ABI1: variants seen among roughly 807,000 people sequenced by gnomAD.
The protein encoded by ABI1 is Abelson interactor 1.
ABI1 carries 14 observed loss-of-function variants against 54.6 expected under a neutral mutation model. The observed-to-expected ratio is 0.26, with a 90% confidence interval of 0.17 to 0.40. The LOEUF (loss-of-function observed/expected upper bound fraction) is 0.40. Ranked by LOEUF, ABI1 falls within the 10% of genes least tolerant of loss-of-function variation. The pLI is 1.00. For missense variants in ABI1, 443 were observed against 598.3 expected, an observed-to-expected ratio of 0.74 and a Z score of 2.71; for synonymous variants, 194 against 209.3, an observed-to-expected ratio of 0.93 and a Z score of 0.63.
intron 8 of ABI1, among the ~76,000 whole-genome samples, chr10:26,756,955 T>C (rs1588757310): frequency 6.6e-6 from 1 of 152,146 alleles, no homozygotes; most frequent in Non-Finnish European, 1.5e-5. Flanking sequence ...TAACATTCAA[T>C]TCACTATGAA....
At chr10:26,764,454 C>T (rs1439968950) in intron 7 of ABI1, among the ~76,000 whole-genome samples, 3 of 152,066 alleles carry the variant, frequency 2.0e-5, no homozygotes, top group Admixed American at 6.6e-5. Flanking sequence ...TAAGCAAACA[C>T]CAGAGTAGAT....
At chr10:26,813,247 C>T (rs1025526440) in intron 2 of ABI1, among the ~76,000 whole-genome samples, 1 of 149,120 alleles carries the variant, frequency 6.7e-6, no homozygotes, top group African/African-American at 2.5e-5. Flanking sequence ...AGATTCCATC[C>T]CCCCGCCAAA....
At chr10:26,846,566 T>C (rs2049996425) in intron 1 of ABI1, among the ~76,000 whole-genome samples, 1 of 152,010 alleles carries the variant, frequency 6.6e-6, no homozygotes, top group Non-Finnish European at 1.5e-5. Flanking sequence ...TGGTCTCAAA[T>C]TCCTGACCTC....
chr10:26,847,293 A>G (rs372201586), intron 1 of ABI1, among the ~76,000 whole-genome samples: 1 of 152,186 alleles, frequency 6.6e-6, no homozygotes, highest in African/African-American at 2.4e-5. Context: ...TAAAAGAATA[A>G]GAGTTATCAC....
At chr10:26,803,128 G>A (rs1016249822) in intron 2 of ABI1, among the ~76,000 whole-genome samples, 3 of 152,130 alleles carry the variant, frequency 2.0e-5, no homozygotes, top group African/African-American at 7.2e-5. Context: ...AGAAATAGGG[G>A]AGACAGACAT....
chr10:26,820,147 T>C lies in ABI1; in HGVS notation c.285+2991A>G, dbSNP rs1046035864. ...GACTATAGTTAATAATATAGGGTTG[T>C]AGACTTGAAATTTGCTAAAAGAGGA... On this transcript the variant is annotated intron_variant, in intron 2 of 10. Transcript: ENST00000376140. Among the ~76,000 whole-genome samples, 5 of 152,212 alleles carry C rather than the reference T, an allele frequency of 3.3e-5. No homozygotes were observed. In the East Asian group the frequency reaches 7.7e-4, roughly 23 times the overall value.
Position 26,805,095 on chromosome 10 carries a change from T to C in ABI1, c.285+18043A>G, listed in dbSNP as rs779774192. Reference sequence around the variant, plus strand: ...ATTCCAGGTAAGACAAACACATAATTGGAAAAACAAAGACGCACAAATTTA... The same window carrying C: ...ATTCCAGGTAAGACAAACACATAATCGGAAAAACAAAGACGCACAAATTTA... On this transcript the variant is annotated intron_variant, in intron 2 of 10. Coordinates refer to ENST00000376140, the MANE Select transcript of ABI1 (RefSeq NM_001012750.3). 7.2e-5 allele frequency among the ~76,000 whole-genome samples: 11 copies of C among 151,960 alleles called. No homozygotes were observed. In the South Asian group the frequency reaches 1.2e-3, roughly 17 times the overall value.
At chr10:26,819,642 A>G (rs2047835097) in intron 2 of ABI1, among the ~76,000 whole-genome samples, 1 of 152,218 alleles carries the variant, frequency 6.6e-6, no homozygotes, top group Admixed American at 6.5e-5. Context: ...AATGCACACA[A>G]AACATTTACC....
At chr10:26,772,082 GGA>G (rs1377011218) in intron 3 of ABI1, among the ~76,000 whole-genome samples, 1 of 151,616 alleles carries the variant, frequency 6.6e-6, no homozygotes, top group Non-Finnish European at 1.5e-5. Flanking sequence ...ATCATCCAAA[GGA>G]GAGATTTGGT....
chr10:26,839,698 C>G lies in ABI1; in HGVS notation c.118-16393G>C, dbSNP rs139569005. 30 of 691,148 alleles carry G rather than the reference C, an allele frequency of 4.3e-5. No individual in the cohort carries two copies. In the East Asian group the frequency reaches 8.1e-4, roughly 19 times the overall value. 42.8% of individuals were successfully genotyped at this position (691,148 alleles called of 1,614,324 possible). ...AGGCTTGGTGGCTCACACCTGTAATCCCAATGCGTTGGGAGGTCAAGGTAG... is the reference window on the plus strand; with the variant it reads ...AGGCTTGGTGGCTCACACCTGTAATGCCAATGCGTTGGGAGGTCAAGGTAG... On this transcript the variant is annotated intron_variant, in intron 1 of 10. Transcript: ENST00000376140.
At chr10:26,781,545 G>A (rs945754782) in intron 2 of ABI1, among the ~76,000 whole-genome samples, 2 of 152,216 alleles carry the variant, frequency 1.3e-5, no homozygotes, top group Non-Finnish European at 2.9e-5. Flanking sequence ...CCATGATACA[G>A]AACTGAAAAT....
chr10:26,855,755 G>A (rs1369194834), intron 1 of ABI1, among the ~76,000 whole-genome samples: 2 of 152,056 alleles, frequency 1.3e-5, no homozygotes, highest in African/African-American at 2.4e-5. Flanking sequence ...TGGATCACCC[G>A]AGGTCAGGAG....
chr10:26,825,535 C>T (rs2048258346), intron 1 of ABI1, among the ~76,000 whole-genome samples: 1 of 152,118 alleles, frequency 6.6e-6, no homozygotes. Context: ...GTGGTATGTG[C>T]CTGTAATCCC....
chr10:26,801,295 C>T (rs1184618851), intron 2 of ABI1, among the ~76,000 whole-genome samples: 1 of 152,034 alleles, frequency 6.6e-6, no homozygotes, highest in African/African-American at 2.4e-5. Context: ...TACCTATAAT[C>T]CCAGCACTTT....
At chr10:26,748,820 A>G in intron 10 of ABI1, 75 bp from the exon 11 acceptor site, 2 of 1,016,276 alleles carry the variant, frequency 2.0e-6, no homozygotes, top group Non-Finnish European at 1.4e-6. Context: ...GACAAAGACA[A>G]TTAAATATAT....
At chr10:26,749,740 A>G (rs897262173) in intron 10 of ABI1, among the ~76,000 whole-genome samples, 3 of 152,260 alleles carry the variant, frequency 2.0e-5, no homozygotes, top group African/African-American at 7.2e-5. Flanking sequence ...AAAATGGCCC[A>G]TGGACAAATC....
intron 1 of ABI1, among the ~76,000 whole-genome samples, chr10:26,824,026 G>A (rs992893507): frequency 3.3e-5 from 5 of 151,712 alleles, no homozygotes; most frequent in Non-Finnish European, 7.4e-5. Flanking sequence ...TATTTCTCCA[G>A]GTATCAGTGT....
At chr10:26,843,836 A>G (rs910554695) in intron 1 of ABI1, among the ~76,000 whole-genome samples, 2 of 152,104 alleles carry the variant, frequency 1.3e-5, no homozygotes. Flanking sequence ...CCACTCATAC[A>G]AGCAGTCCCC....
At chr10:26,842,818 G>A (rs1381005561) in intron 1 of ABI1, among the ~76,000 whole-genome samples, 1 of 152,184 alleles carries the variant, frequency 6.6e-6, no homozygotes, top group African/African-American at 2.4e-5. Flanking sequence ...AGGCCGAGGA[G>A]GGTGGATCAC....
Sources: gnomAD v4.1 joint callset for allele counts (sites outside exome capture counted in the v4.1 genomes callset) on GRCh38, gnomAD v4.1.1 for gene constraint, MANE v1.5 for transcripts, NCBI Gene and HGNC (gene_info 2026-07-23, HGNC 2026-07-21) for gene names.